The following CPEB4 variants were observed in gnomAD, a reference collection of about 807,000 sequenced individuals.
CPEB4 encodes cytoplasmic polyadenylation element binding protein 4.
CPEB4 carries 12 observed loss-of-function variants against 72.5 expected under a neutral mutation model. The ratio of observed to expected loss-of-function variants is 0.17; its 90% CI spans 0.11 to 0.27. CPEB4 has a LOEUF of 0.27. Among genes scored for constraint, CPEB4 ranks in the 10% least tolerant of loss-of-function variants. The pLI, the probability that CPEB4 is intolerant of heterozygous loss-of-function variation, is 1.00. For synonymous variants in CPEB4, 302 were observed against 326.3 expected (o/e 0.93, Z 0.80); for missense variants, 614 against 908.5 (o/e 0.68, Z 4.17).
At chr5:173,908,546 G>A (rs138613188) in intron 1 of CPEB4, among the ~76,000 whole-genome samples, 154 of 152,266 alleles carry the variant, frequency 1.0e-3, no homozygotes, top group African/African-American at 3.6e-3. Context: ...ACCACTCAGC[G>A]CACATTACTG....
At chr5:173,916,532 A>T (rs1024011682) in intron 2 of CPEB4, among the ~76,000 whole-genome samples, 1 of 152,180 alleles carries the variant, frequency 6.6e-6, no homozygotes, top group Non-Finnish European at 1.5e-5. Context: ...CTACTCCAAA[A>T]ATGCTATGTA....
chr5:173,955,819 A>C lies in CPEB4; in HGVS notation c.1963-91A>C. ...TTCCTCTTTGGGCACCTTGGAACAG[A>C]TTCATTCAGATAGTGGGTGGAAATG... On this transcript the variant is annotated intron_variant, in intron 9 of 9. Coordinates refer to ENST00000265085, the MANE Select transcript of CPEB4 (RefSeq NM_030627.4). This position sits in a 1 kb window ranked among gnomAD's most constrained non-coding sequence, Gnocchi z 4.7. 5.0e-6 allele frequency: 5 copies of C among 991,876 alleles called. No homozygotes were observed. The highest frequency in any genetic ancestry group is 7.6e-6 in the Non-Finnish European group (5 of 653,856). 61.4% of individuals were successfully genotyped at this position (991,876 alleles called of 1,614,324 possible).
rs184196772 is a variant in CPEB4 at position 173,897,620 on chromosome 5, A to G, written c.1125+6762A>G. On this transcript the variant is annotated intron_variant, in intron 1 of 9. Transcript: ENST00000265085. ...TATAAACAAATTATCAACTAGCCCA[A>G]TAGTTTCATTTTAATCTATAAATTG... 5.7e-4 allele frequency among the ~76,000 whole-genome samples: 87 copies of G among 152,300 alleles called. 1 individual carries two copies. The Middle Eastern group carries it at 0.01, about 18-fold the overall frequency.
At chr5:173,912,626 A>AT (rs80201581) in intron 2 of CPEB4, among the ~76,000 whole-genome samples, 9,131 of 143,546 alleles carry the variant, frequency 0.064, 358 homozygotes, top group South Asian at 0.12. Context: ...TAATAAAATA[A>AT]TTTTTTTTTT....
At position 173,888,413 on chromosome 5, in the gene CPEB4, T is replaced by TGGC. The variant is rs547833435; in HGVS notation, c.-1305_-1303dup. ...GCGGGACCCGGGCACCGGGAGGCGGTGGCGGCGGCGGCGGCGGCAGCAGCG... is the reference window on the plus strand; with the variant it reads ...GCGGGACCCGGGCACCGGGAGGCGGTGGCGGCGGCGGCGGCGGCGGCAGCAGCG... On this transcript the variant is annotated 5_prime_UTR_variant, in exon 1 of 10. Transcript: ENST00000265085. The surrounding 1 kb of genome is among the most constrained non-coding windows in gnomAD (Gnocchi z 4.3). 0.25 allele frequency: 111,444 copies of TGGC among 443,624 alleles called. 15,663 individuals are homozygous for TGGC. Among genetic ancestry groups the TGGC allele is most frequent in the Non-Finnish European group, 0.3 (76,573 of 256,404 alleles). 27.5% of individuals were successfully genotyped at this position (443,624 alleles called of 1,614,324 possible).
intron 2 of CPEB4, among the ~76,000 whole-genome samples, chr5:173,922,878 G>C (rs1442048010): frequency 6.6e-6 from 1 of 152,194 alleles, no homozygotes; most frequent in Non-Finnish European, 1.5e-5. Flanking sequence ...AGGTACTATG[G>C]TTGTTGGGAT....
At chr5:173,925,412 A>G (rs1353725171) in intron 2 of CPEB4, among the ~76,000 whole-genome samples, 1 of 152,116 alleles carries the variant, frequency 6.6e-6, no homozygotes, top group Non-Finnish European at 1.5e-5. Context: ...TCTTTGTTGG[A>G]AGTTGGTTGT....
chr5:173,934,595 G>T (rs1180373035), intron 3 of CPEB4, among the ~76,000 whole-genome samples: 1 of 152,104 alleles, frequency 6.6e-6, no homozygotes, highest in East Asian at 1.9e-4. Context: ...ACTTGATTTT[G>T]TCAGATTTGA....
chr5:173,948,933 G>A (rs2113290135), intron 5 of CPEB4, among the ~76,000 whole-genome samples: 1 of 152,224 alleles, frequency 6.6e-6, no homozygotes, highest in Non-Finnish European at 1.5e-5. Flanking sequence ...TTACATTGGG[G>A]AATAGGTTTC....
chr5:173,938,635 A>G (rs768129298), intron 3 of CPEB4, among the ~76,000 whole-genome samples: 5 of 152,156 alleles, frequency 3.3e-5, no homozygotes, highest in Non-Finnish European at 7.3e-5. Context: ...AGAGGTGCAC[A>G]GTTGGAGAGC....
At chr5:173,934,010 T>C (rs1378988007) in intron 3 of CPEB4, among the ~76,000 whole-genome samples, 1 of 152,132 alleles carries the variant, frequency 6.6e-6, no homozygotes, top group Non-Finnish European at 1.5e-5. Flanking sequence ...TGGCCAAACC[T>C]TGTCTCTACA....
At position 173,917,432 on chromosome 5, in the gene CPEB4, C is replaced by A. The variant is rs534965547; in HGVS notation, c.1207+6828C>A. 7.8e-4 allele frequency among the ~76,000 whole-genome samples: 118 copies of A among 152,242 alleles called. 2 individuals are homozygous for A. Among genetic ancestry groups the A allele is most frequent in the Non-Finnish European group, 9.9e-4 (67 of 67,998 alleles). On this transcript the variant is annotated intron_variant, in intron 2 of 9. Coordinates refer to ENST00000265085, the MANE Select transcript of CPEB4 (RefSeq NM_030627.4). ...CATTTAATGGGGCAGATTCAAAGTA[C>A]CATAAAGAAGAAGTGGATAGGCTGG...
Position 173,956,388 on chromosome 5 carries a change from A to G in CPEB4, c.*251A>G. 2.5e-6 allele frequency: 1 copy of G among 395,808 alleles called. No individual in the cohort carries two copies. Among genetic ancestry groups the G allele is most frequent in the South Asian group, 6.3e-5 (1 of 15,796 alleles). 24.5% of individuals were successfully genotyped at this position (395,808 alleles called of 1,614,324 possible). A position where few individuals can be genotyped will look rare whatever the true frequency, so the allele number is the denominator to read the frequency against. On this transcript the variant is annotated 3_prime_UTR_variant, in exon 10 of 10. Coordinates refer to ENST00000265085, the MANE Select transcript of CPEB4 (RefSeq NM_030627.4). ...GTTTTATTCTCTTGTTTTGCTGGAA[A>G]CCAAGAGGATCCAAACTTCCTGCAA...
At chr5:173,905,662 T>C (rs1407982758) in intron 1 of CPEB4, among the ~76,000 whole-genome samples, 1 of 152,192 alleles carries the variant, frequency 6.6e-6, no homozygotes, top group Non-Finnish European at 1.5e-5. Context: ...TTCTTACTAA[T>C]TGATCACTGA....
chr5:173,919,394 C>T (rs564932161), intron 2 of CPEB4, among the ~76,000 whole-genome samples: 2 of 152,294 alleles, frequency 1.3e-5, no homozygotes, highest in African/African-American at 4.8e-5. Flanking sequence ...TAGGGACCTT[C>T]CTACTGTAAA....
chr5:173,927,604 C>T (rs10075515), intron 2 of CPEB4, among the ~76,000 whole-genome samples: 49 of 152,086 alleles, frequency 3.2e-4, no homozygotes, highest in African/African-American at 1.1e-3. Context: ...TGGTGAAACC[C>T]TGACTCTACT....
At chr5:173,931,359 A>G (rs2113235758) in intron 2 of CPEB4, among the ~76,000 whole-genome samples, 1 of 152,280 alleles carries the variant, frequency 6.6e-6, no homozygotes, top group Admixed American at 6.5e-5. Flanking sequence ...TTTGAGAGTC[A>G]TGGTTCTGTG....
At chr5:173,937,414 A>G (rs1036901271) in intron 3 of CPEB4, among the ~76,000 whole-genome samples, 1 of 152,138 alleles carries the variant, frequency 6.6e-6, no homozygotes, top group African/African-American at 2.4e-5. Flanking sequence ...GAAGAAATCT[A>G]TCAAAAAGGA....
chr5:173,944,936 G>C, intron 4 of CPEB4, 31 bp from the exon 5 acceptor site: 1 of 1,576,354 alleles, frequency 6.3e-7, no homozygotes. Context: ...AACATTTTCT[G>C]TTACCGTTTT....
Sources: allele counts gnomAD v4.1 joint callset (sites outside exome capture counted in the v4.1 genomes callset), GRCh38; gene constraint gnomAD v4.1.1; non-coding constraint Gnocchi (gnomAD v3.1); transcripts MANE v1.5; gene names NCBI Gene and HGNC (gene_info 2026-07-23, HGNC 2026-07-21).